Variants in TNC observed in about 807,000 individuals in gnomAD.
TNC encodes the protein tenascin C, also known as tenascin.
Under a neutral mutation model 202.4 loss-of-function variants are expected in TNC, and 109 were observed. The ratio of observed to expected loss-of-function variants is 0.54; its 90% CI spans 0.46 to 0.63. The LOEUF (loss-of-function observed/expected upper bound fraction) is 0.63. Ranked by LOEUF, TNC falls within the 30% of genes least tolerant of loss-of-function variation. The pLI, the probability that TNC is intolerant of heterozygous loss-of-function variation, is 0.00. For synonymous variants in TNC, 1,007 were observed against 1,089.7 expected, an observed-to-expected ratio of 0.92 and a Z score of 1.50; for missense variants, 2,756 against 2,833.3, an observed-to-expected ratio of 0.97 and a Z score of 0.62.
At position 115,084,205 on chromosome 9, in the gene TNC, T is replaced by C; in HGVS notation, c.2131+4A>G. 6.2e-7 allele frequency: 1 copy of C among 1,613,128 alleles called. No homozygotes were observed. The highest frequency in any genetic ancestry group is 8.5e-7 in the Non-Finnish European group (1 of 1,179,414). Reference sequence around the variant, plus strand: ...GGCTGCCCAAAAGAGTTCTGCTCACTCACACGTGGCCACCCTGGCGCTGAC... The same window carrying C: ...GGCTGCCCAAAAGAGTTCTGCTCACCCACACGTGGCCACCCTGGCGCTGAC... On this transcript the variant is annotated splice_donor_region_variant and intron_variant, in intron 4 of 27. Transcript: ENST00000350763.
intron 20 of TNC, among the ~76,000 whole-genome samples, chr9:115,036,861 C>T (rs751583570): frequency 6.6e-5 from 10 of 152,144 alleles, no homozygotes; most frequent in Non-Finnish European, 4.4e-5. Flanking sequence ...TGCGGGATTT[C>T]CTAGGTGTGG....
chr9:115,115,860 C>T (rs1227434618), intron 1 of TNC, among the ~76,000 whole-genome samples: 4 of 152,172 alleles, frequency 2.6e-5, no homozygotes, highest in Non-Finnish European at 5.9e-5. Flanking sequence ...ACCAAAGCAG[C>T]CCTGCATTTA....
chr9:115,050,299 G>A (rs1347879134), intron 15 of TNC, among the ~76,000 whole-genome samples: 2 of 151,998 alleles, frequency 1.3e-5, no homozygotes, highest in Admixed American at 1.3e-4. Context: ...TTCACATCAT[G>A]GATTAGCTGA....
At chr9:115,074,851 G>C (rs1833721272) in intron 9 of TNC, among the ~76,000 whole-genome samples, 1 of 152,146 alleles carries the variant, frequency 6.6e-6, no homozygotes, top group Admixed American at 6.5e-5. Context: ...TATAAATAGA[G>C]TGGACAGATT....
intron 1 of TNC, among the ~76,000 whole-genome samples, chr9:115,092,732 C>T: frequency 6.8e-6 from 1 of 146,758 alleles, no homozygotes; most frequent in Non-Finnish European, 1.5e-5. Context: ...CACTGCCATG[C>T]CTGGCTGATT....
At chr9:115,035,163 G>A (rs777625010) in intron 22 of TNC, 41 bp downstream of exon 22, 3 of 1,546,518 alleles carry the variant, frequency 1.9e-6, no homozygotes, top group Non-Finnish European at 2.6e-6. Context: ...TCATGCAAAT[G>A]CTTCAACTAG....
rs1564137480 is a variant in TNC, at chr9:115,095,450, ATATATATGTATATATATATG to A, written c.-136-4316_-136-4297del. ...AATATGCATGTCGTGGTATGTGTAT[ATATATATGTATATATATATG>A]TATATATATGTATATATATATGTAT... On this transcript the variant is annotated intron_variant, in intron 1 of 27. Coordinates refer to ENST00000350763, the MANE Select transcript of TNC (RefSeq NM_002160.4). Among the ~76,000 whole-genome samples the A allele has an allele frequency of 2.3e-3, 212 of 94,008 alleles. 19 individuals carry two copies. The highest frequency in any genetic ancestry group is 9.2e-3 in the African/African-American group (205 of 22,224). 61.7% of individuals were successfully genotyped at this position (94,008 alleles called of 152,430 possible).
At chr9:115,077,531 C>T (rs1350589106) in intron 7 of TNC, among the ~76,000 whole-genome samples, 2 of 152,228 alleles carry the variant, frequency 1.3e-5, no homozygotes, top group Non-Finnish European at 2.9e-5. Context: ...ACTTACTGAG[C>T]TCTGAAAAAT....
chr9:115,088,562 T>C (rs916202063), intron 2 of TNC, among the ~76,000 whole-genome samples: 2 of 152,158 alleles, frequency 1.3e-5, no homozygotes, highest in East Asian at 1.9e-4. Flanking sequence ...CTGATCTCCA[T>C]GGAGCTTAAG....
chr9:115,090,557 C>A lies in TNC; in HGVS notation c.457+5G>T. The A allele has an allele frequency of 1.3e-6, 2 of 1,563,746 alleles. No individual in the cohort carries two copies. Among genetic ancestry groups the A allele is most frequent in the South Asian group, 2.4e-5 (2 of 82,308 alleles). Reference sequence around the variant, plus strand: ...TGTGGGACTGGGCGGGCCACCAGCTCATACCTGTGGCAGGCTGGAGACAGC... The same window carrying A: ...TGTGGGACTGGGCGGGCCACCAGCTAATACCTGTGGCAGGCTGGAGACAGC... On this transcript the variant is annotated splice_donor_5th_base_variant and intron_variant, in intron 2 of 27. Coordinates refer to ENST00000350763, the MANE Select transcript of TNC (RefSeq NM_002160.4).
chr9:115,035,361 G>A (rs764582163), intron 21 of TNC, 27 bp from the exon 22 acceptor site: 43 of 1,592,974 alleles, frequency 2.7e-5, no homozygotes, highest in East Asian at 2.1e-4. Context: ...GATTAATATC[G>A]GATAAGATCA....
intron 9 of TNC, among the ~76,000 whole-genome samples, chr9:115,074,108 T>A (rs1199790903): frequency 1.3e-5 from 2 of 152,190 alleles, no homozygotes; most frequent in Non-Finnish European, 2.9e-5. Context: ...GAATATCCAT[T>A]CCATAAAATG....
chr9:115,046,649 G>C lies in TNC; in HGVS notation c.4886C>G (p.Ser1629Ter), dbSNP rs761760558. 3.1e-6 allele frequency: 5 copies of C among 1,613,490 alleles called. No homozygotes were observed. The highest frequency in any genetic ancestry group is 1.7e-6 in the Non-Finnish European group (2 of 1,179,956). Residue 1629 changes from serine (S) to a stop codon, truncating the protein, a stop_gained, in exon 17 of 28, where the codon TCA becomes TGA. Transcript: ENST00000350763. LOFTEE classifies it high-confidence loss of function. Reference sequence around the variant, plus strand: ...ACGGAAACCGTCTGGGGTGGCATCTGAAACCAGAAGGTTGTCAACTTCCGG... The same window carrying C: ...ACGGAAACCGTCTGGGGTGGCATCTCAAACCAGAAGGTTGTCAACTTCCGG... ...AEPEVDNLLVSDATPDGFRLS... is the reference protein window; with the variant it reads ...AEPEVDNLLV
intron 1 of TNC, among the ~76,000 whole-genome samples, chr9:115,093,075 A>T (rs1835355452): frequency 6.6e-6 from 1 of 152,156 alleles, no homozygotes; most frequent in Non-Finnish European, 1.5e-5. Context: ...CATCAACATG[A>T]TCCCAACTGA....
At chr9:115,031,291 T>C (rs1187587432) in intron 23 of TNC, among the ~76,000 whole-genome samples, 1 of 152,140 alleles carries the variant, frequency 6.6e-6, no homozygotes, top group East Asian at 1.9e-4. Flanking sequence ...CTAAAGATTA[T>C]AGGATGGAAG....
chr9:115,088,487 T>C (rs757743536), intron 2 of TNC, among the ~76,000 whole-genome samples: 7 of 152,148 alleles, frequency 4.6e-5, no homozygotes, highest in African/African-American at 1.7e-4. Context: ...GGGGTCAAGG[T>C]TGACATTACT....
In TNC at chr9:115,076,079, A is replaced by G. The variant is rs973896434; in HGVS notation, c.2903T>C (p.Val968Ala). The change falls in exon 9 of 28, where the codon GTG becomes GCG. Residue 968 changes from valine (V) to alanine (A), a missense_variant. This residue lies in a region of TNC where 2,559 missense variants were observed against 2,546.0 expected (regional missense o/e 1.01). Coordinates refer to ENST00000350763, the MANE Select transcript of TNC (RefSeq NM_002160.4). ...GTEYGIGVSAVKEDKESNPAT... is the reference protein window; with the variant it reads ...GTEYGIGVSAAKEDKESNPAT... Reference sequence around the variant, plus strand: ...TGGATTGCTCTCCTTGTCTTCCTTCACAGCAGAAACTCCAATCCCATATTC... The same window carrying G: ...TGGATTGCTCTCCTTGTCTTCCTTCGCAGCAGAAACTCCAATCCCATATTC... 6.2e-7 allele frequency: 1 copy of G among 1,614,120 alleles called. No individual in the cohort carries two copies. The highest frequency in any genetic ancestry group is 1.1e-5 in the South Asian group (1 of 91,080).
rs1400206499 is a variant in TNC at position 115,063,954 on chromosome 9, TCCTGCA to T, written c.3596_3601del (p.Val1199_Gln1200del). ...CTGGGCTGCCTCTACTGTGTCAGCC[TCCTGCA>T]CCTGAATGAAAAAGTACTCATAGGC... On this transcript the variant is annotated inframe_deletion, in exon 12 of 28. Coordinates refer to ENST00000350763, the MANE Select transcript of TNC (RefSeq NM_002160.4). 6.2e-7 allele frequency: 1 copy of T among 1,614,176 alleles called. No individual in the cohort carries two copies. Among genetic ancestry groups the T allele is most frequent in the African/African-American group, 1.3e-5 (1 of 75,044 alleles).
At chr9:115,097,466 A>G (rs529347501) in intron 1 of TNC, among the ~76,000 whole-genome samples, 31 of 152,242 alleles carry the variant, frequency 2.0e-4, no homozygotes, top group Non-Finnish European at 3.8e-4. Flanking sequence ...AGGGAGATAC[A>G]TTCATGATTA....
Sources: allele counts gnomAD v4.1 joint callset (sites outside exome capture counted in the v4.1 genomes callset), GRCh38; gene constraint gnomAD v4.1.1; regional missense constraint gnomAD v4.1.1; transcripts MANE v1.5; gene names NCBI Gene and HGNC (gene_info 2026-07-23, HGNC 2026-07-21).